The following SLC44A5 variants were observed in gnomAD, a reference collection of about 807,000 sequenced individuals.
SLC44A5 encodes the protein solute carrier family 44 member 5.
SLC44A5 carries 57 observed loss-of-function variants against 101.8 expected under a neutral mutation model. The ratio of observed to expected loss-of-function variants is 0.56; its 90% CI spans 0.45 to 0.70. The LOEUF (loss-of-function observed/expected upper bound fraction) is 0.70. Among genes scored for constraint, SLC44A5 ranks in the 30% least tolerant of loss-of-function variants. The pLI is 0.00. For missense variants in SLC44A5, 737 were observed against 853.1 expected, an observed-to-expected ratio of 0.86 and a Z score of 1.70; for synonymous variants, 281 against 290.9, an observed-to-expected ratio of 0.97 and a Z score of 0.35.
the SLC44A5 span, among the ~76,000 whole-genome samples, chr1:75,670,845 A>C: frequency 6.6e-6 from 1 of 152,234 alleles, no homozygotes; most frequent in Non-Finnish European, 1.5e-5. Context: ...CTGGAGTTTT[A>C]AATGCCAGAC....
chr1:75,558,081 A>G (rs375738090), intron 1 of SLC44A5, among the ~76,000 whole-genome samples: 1 of 152,242 alleles, frequency 6.6e-6, no homozygotes, highest in African/African-American at 2.4e-5. Flanking sequence ...TGACAATTTG[A>G]TAACTGCTAC....
intron 2 of SLC44A5, among the ~76,000 whole-genome samples, chr1:75,448,027 T>A (rs1006493020): frequency 2.6e-5 from 4 of 152,136 alleles, no homozygotes; most frequent in South Asian, 2.1e-4. Context: ...TTCAATTAAA[T>A]ATATAAAAGA....
At chr1:75,684,103 C>A in the SLC44A5 span, among the ~76,000 whole-genome samples, 1 of 152,080 alleles carries the variant, frequency 6.6e-6, no homozygotes, top group Admixed American at 6.6e-5. Context: ...TGGTGGCAAG[C>A]AAGAGAGAAG....
At chr1:75,462,788 C>G (rs543003653) in intron 2 of SLC44A5, among the ~76,000 whole-genome samples, 1 of 151,722 alleles carries the variant, frequency 6.6e-6, no homozygotes, top group African/African-American at 2.4e-5. Context: ...AATGATCAAG[C>G]AGAAGAATGA....
intron 4 of SLC44A5, among the ~76,000 whole-genome samples, chr1:75,331,772 A>G (rs185115933): frequency 6.1e-4 from 93 of 152,184 alleles, no homozygotes; most frequent in Non-Finnish European, 1.5e-4. Context: ...TGCTCCCTGC[A>G]CTAAGTGTAT....
intron 3 of SLC44A5, among the ~76,000 whole-genome samples, chr1:75,356,792 T>G (rs1659115538): frequency 6.6e-6 from 1 of 152,152 alleles, no homozygotes; most frequent in African/African-American, 2.4e-5. Flanking sequence ...TACTGCAGTT[T>G]TACTGTACCT....
chr1:75,603,753 G>GTTTTTTTTTTTTTTTTTTTTTGTTTTT (rs57844833), intron 1 of SLC44A5, among the ~76,000 whole-genome samples: 1 of 54,086 alleles, frequency 1.8e-5, no homozygotes, highest in Admixed American at 2.7e-4. Flanking sequence ...ATTTTTTCAT[G>GTTTTTTTTTTTTTTTTTTTTTGTTTTT]TTTTTTTTTT....
chr1:75,475,672 C>T (rs1667346156), intron 2 of SLC44A5, among the ~76,000 whole-genome samples: 1 of 152,122 alleles, frequency 6.6e-6, no homozygotes, highest in African/African-American at 2.4e-5. Context: ...CAGAGAATAC[C>T]CATAATGGAA....
chr1:75,302,584 T>C (rs1197866267), intron 4 of SLC44A5, among the ~76,000 whole-genome samples: 1 of 152,184 alleles, frequency 6.6e-6, no homozygotes, highest in Non-Finnish European at 1.5e-5. Context: ...ACCCTGTATT[T>C]TGTTTTTTCC....
the SLC44A5 span, among the ~76,000 whole-genome samples, chr1:75,707,242 T>G: frequency 1.3e-5 from 2 of 152,202 alleles, no homozygotes; most frequent in Non-Finnish European, 2.9e-5. Context: ...GGTATGCAGT[T>G]TAAGAGCAGC....
chr1:75,481,023 C>G (rs1335747184), intron 2 of SLC44A5, among the ~76,000 whole-genome samples: 5 of 152,150 alleles, frequency 3.3e-5, no homozygotes, highest in East Asian at 1.9e-4. Context: ...GCTACAGTAA[C>G]CAAAACAGCA....
intron 1 of SLC44A5, among the ~76,000 whole-genome samples, chr1:75,590,234 A>T (rs767854291): frequency 5.3e-5 from 8 of 152,054 alleles, no homozygotes; most frequent in Non-Finnish European, 1.0e-4. Flanking sequence ...ATACCAGCTT[A>T]GCCACAGCAG....
intron 6 of SLC44A5, among the ~76,000 whole-genome samples, chr1:75,253,613 A>T (rs1299707604): frequency 6.6e-6 from 1 of 152,174 alleles, no homozygotes; most frequent in Non-Finnish European, 1.5e-5. Context: ...AGTGCATGTG[A>T]TTCAAATTTG....
At chr1:75,383,087 A>T (rs1301677020) in intron 3 of SLC44A5, among the ~76,000 whole-genome samples, 1 of 10,698 alleles carries the variant, frequency 9.3e-5, no homozygotes, top group Admixed American at 8.2e-4. Flanking sequence ...TGGAGGTGGG[A>T]CCTGCGGGCA....
At chr1:75,534,711 C>A (rs1670901259) in intron 2 of SLC44A5, among the ~76,000 whole-genome samples, 1 of 152,218 alleles carries the variant, frequency 6.6e-6, no homozygotes, top group African/African-American at 2.4e-5. Context: ...CCTGAAATAA[C>A]TTCCATTACT....
intron 1 of SLC44A5, among the ~76,000 whole-genome samples, chr1:75,576,221 T>G (rs1673354115): frequency 6.7e-6 from 1 of 150,294 alleles, no homozygotes; most frequent in Non-Finnish European, 1.5e-5. Context: ...TAGAGATAGA[T>G]GGAGAAATGA....
At chr1:75,412,799 T>C (rs923960906) in intron 2 of SLC44A5, among the ~76,000 whole-genome samples, 2 of 152,158 alleles carry the variant, frequency 1.3e-5, no homozygotes, top group East Asian at 3.9e-4. Context: ...CATCCCTTTG[T>C]CCAGCATCTC....
At chr1:75,698,010 G>A in the SLC44A5 span, among the ~76,000 whole-genome samples, 53,778 of 152,052 alleles carry the variant, frequency 0.35, 10,028 homozygotes, top group East Asian at 0.68. Context: ...CTATGCCCAC[G>A]GAGTCTCACT....
intron 2 of SLC44A5, among the ~76,000 whole-genome samples, chr1:75,397,732 T>C (rs1291030860): frequency 6.6e-6 from 1 of 152,132 alleles, no homozygotes; most frequent in East Asian, 1.9e-4. Context: ...TTGTTTAAAG[T>C]CACACTGCTA....
Sources: gnomAD v4.1 joint callset for allele counts (sites outside exome capture counted in the v4.1 genomes callset) on GRCh38, gnomAD v4.1.1 for gene constraint, MANE v1.5 for transcripts, NCBI Gene and HGNC (gene_info 2026-07-23, HGNC 2026-07-21) for gene names.